THNSL1: variants seen among roughly 807,000 people sequenced by gnomAD.
THNSL1 encodes threonine synthase-like 1.
Under a neutral mutation model 50.4 loss-of-function variants are expected in THNSL1, and 48 were observed. That is an observed-to-expected ratio of 0.95 (90% CI 0.76 to 1.21). The LOEUF is 1.21. Among genes scored for constraint, THNSL1 ranks in the 50% most tolerant of loss-of-function variants. The probability of loss-of-function intolerance (pLI) is 0.00; values close to 1 mark genes in which losing one functional copy is unlikely to be tolerated. For missense variants in THNSL1, 896 were observed against 871.7 expected (o/e 1.03, Z -0.35); for synonymous variants, 309 against 306.1 (o/e 1.01, Z -0.10).
chr10:24,982,978 C>T, the THNSL1 span: 2 of 152,118 alleles, frequency 1.3e-5, no homozygotes, highest in East Asian at 3.9e-4. Flanking sequence ...TTTTGCATTG[C>T]TACTGATTTT....
At chr10:25,022,521 A>G (rs1185883169) in intron 2 of THNSL1, among the ~76,000 whole-genome samples, 2 of 152,236 alleles carry the variant, frequency 1.3e-5, no homozygotes, top group East Asian at 3.8e-4. Context: ...ATATGTAACA[A>G]TGATTCTTAA....
At chr10:24,959,433 T>C in the THNSL1 span, among the ~76,000 whole-genome samples, 26 of 152,244 alleles carry the variant, frequency 1.7e-4, no homozygotes, top group East Asian at 4.8e-3. Flanking sequence ...GTGGGAGAGA[T>C]GGAGAAAGTA....
the THNSL1 span, among the ~76,000 whole-genome samples, chr10:24,958,895 G>A: frequency 6.6e-6 from 1 of 152,184 alleles, no homozygotes; most frequent in Admixed American, 6.5e-5. Context: ...ATGTGTCCAT[G>A]TGTTCCTCCA....
the THNSL1 span, among the ~76,000 whole-genome samples, chr10:25,011,280 T>G: frequency 6.6e-6 from 1 of 152,164 alleles, no homozygotes; most frequent in African/African-American, 2.4e-5. Flanking sequence ...TTGCCCACTT[T>G]TTGATGGGGT....
chr10:24,961,407 C>A, the THNSL1 span, among the ~76,000 whole-genome samples: 1 of 152,026 alleles, frequency 6.6e-6, no homozygotes. Flanking sequence ...TGTAATAAAC[C>A]ATTTATATGC....
At chr10:25,006,369 G>A in the THNSL1 span, among the ~76,000 whole-genome samples, 1 of 151,874 alleles carries the variant, frequency 6.6e-6, no homozygotes, top group Non-Finnish European at 1.5e-5. Flanking sequence ...GTGTATTTGT[G>A]GCAGCACACC....
At chr10:24,994,525 G>A in the THNSL1 span, among the ~76,000 whole-genome samples, 1 of 151,420 alleles carries the variant, frequency 6.6e-6, no homozygotes, top group Non-Finnish European at 1.5e-5. Flanking sequence ...GTAGAGATGG[G>A]GTGTCACCAT....
the THNSL1 span, among the ~76,000 whole-genome samples, chr10:24,975,410 C>T: frequency 6.6e-6 from 1 of 152,152 alleles, no homozygotes; most frequent in Non-Finnish European, 1.5e-5. Context: ...AATAGTGGCC[C>T]TGAGCACACG....
intron 1 of THNSL1, among the ~76,000 whole-genome samples, chr10:25,020,071 C>G (rs79307167): frequency 6.6e-6 from 1 of 151,880 alleles, no homozygotes; most frequent in Non-Finnish European, 1.5e-5. Context: ...TTAAATGTTA[C>G]AAAATAAAAT....
chr10:24,981,278 G>C, the THNSL1 span, among the ~76,000 whole-genome samples: 1 of 152,134 alleles, frequency 6.6e-6, no homozygotes, highest in Non-Finnish European at 1.5e-5. Context: ...GGCTTTGTTG[G>C]ACACAACCTT....
Position 25,025,371 on chromosome 10 carries a change from G to A in THNSL1, c.2148G>A (p.Glu716=), listed in dbSNP as rs771813590. The change falls in exon 3 of 3, where the codon GAG becomes GAA. Residue 716 remains glutamate, a synonymous_variant. Coordinates refer to ENST00000376356, the MANE Select transcript of THNSL1 (RefSeq NM_024838.5). Reference sequence around the variant, plus strand: ...TATTAGAGAGAACAAAACAGCAAGAGAAGATGGAGTACCAGGTCTGTGCAG... The same window carrying A: ...TATTAGAGAGAACAAAACAGCAAGAAAAGATGGAGTACCAGGTCTGTGCAG... The part of the protein sequence containing the change: ...EALLERTKQQ[E]KMEYQVCAAD... 1.2e-6 allele frequency: 2 copies of A among 1,614,244 alleles called. No individual in the cohort carries two copies. Among genetic ancestry groups the A allele is most frequent in the South Asian group, 2.2e-5 (2 of 91,086 alleles).
At chr10:25,017,280 G>T (rs1465942703) in intron 1 of THNSL1, among the ~76,000 whole-genome samples, 1 of 152,170 alleles carries the variant, frequency 6.6e-6, no homozygotes, top group African/African-American at 2.4e-5. Context: ...CTGGTCACCC[G>T]TAAATCTATG....
At chr10:25,010,814 T>C in the THNSL1 span, among the ~76,000 whole-genome samples, 1 of 150,100 alleles carries the variant, frequency 6.7e-6, no homozygotes, top group East Asian at 2.0e-4. Context: ...ATGGTGTATA[T>C]GTGCCACATT....
At chr10:24,991,904 C>T in the THNSL1 span, among the ~76,000 whole-genome samples, 3 of 152,202 alleles carry the variant, frequency 2.0e-5, no homozygotes, top group South Asian at 6.2e-4. Flanking sequence ...GACCCATAGA[C>T]CCTGCTTTGG....
chr10:25,015,747 C>G, upstream of THNSL1: 3 of 1,000,742 alleles, frequency 3.0e-6, no homozygotes, highest in Non-Finnish European at 4.0e-6. Flanking sequence ...GCTACTTCAT[C>G]GAGGCAAAAA....
chr10:25,015,952 C>T, upstream of THNSL1: 1 of 1,601,868 alleles, frequency 6.2e-7, no homozygotes, highest in Non-Finnish European at 8.5e-7. Context: ...CCAAATGACT[C>T]CTTAAAAGCT....
the THNSL1 span, among the ~76,000 whole-genome samples, chr10:24,955,475 C>A: frequency 1.7e-4 from 26 of 152,132 alleles, no homozygotes; most frequent in Non-Finnish European, 4.4e-5. Flanking sequence ...TAAAATGGAG[C>A]CACCCATTTA....
rs1251141515 is a variant in THNSL1 at position 25,023,976 on chromosome 10, T to C, written c.753T>C (p.Phe251=). ...DCEQKVSAKF[F]SEAVIEGLAS... is the part of the protein sequence containing the mutation. ...AACAGAAGGTTTCAGCAAAATTCTT[T>C]AGTGAAGCTGTAATTGAGGGGTTGG... The change falls in exon 3 of 3, where the codon TTT becomes TTC. Residue 251 remains phenylalanine (F), a synonymous_variant. Transcript: ENST00000376356. 6.2e-6 allele frequency: 10 copies of C among 1,614,216 alleles called. No individual in the cohort carries two copies. The highest frequency in any genetic ancestry group is 1.1e-5 in the South Asian group (1 of 91,088).
chr10:25,023,427 A>T lies in THNSL1; in HGVS notation c.204A>T (p.Lys68Asn). The T allele has an allele frequency of 6.2e-7, 1 of 1,614,180 alleles. No homozygotes were observed. The highest frequency in any genetic ancestry group is 1.1e-5 in the South Asian group (1 of 91,080). The change falls in exon 3 of 3, where the codon AAA becomes AAT. Residue 68 changes from lysine to asparagine, a missense_variant. Lys to Asn is a moderately conservative substitution (Grantham distance 94). Transcript: ENST00000376356. The stretch of plus-strand genomic sequence containing the variant: ...TGATGGGACCTCCTGGTGCTGGGAA[A>T]ACAACAGTAGGCAGAATAATAGGTC... The part of the protein sequence containing the change: ...IILMGPPGAG[K>N]TTVGRIIGQK...
Sources: gnomAD v4.1 joint callset for allele counts (sites outside exome capture counted in the v4.1 genomes callset) on GRCh38, gnomAD v4.1.1 for gene constraint, MANE v1.5 for transcripts, NCBI Gene and HGNC (gene_info 2026-07-23, HGNC 2026-07-21) for gene names.